Variants in NCL observed in about 807,000 individuals in gnomAD.
NCL encodes the protein nucleolin multifunctional protein.
NCL carries 4 observed loss-of-function variants against 77.7 expected under a neutral mutation model. That is an observed-to-expected ratio of 0.05 (90% CI 0.03 to 0.12). The LOEUF (loss-of-function observed/expected upper bound fraction) is 0.12. Among genes scored for constraint, NCL ranks in the 10% least tolerant of loss-of-function variants. The pLI, the probability that NCL is intolerant of heterozygous loss-of-function variation, is 1.00. For synonymous variants in NCL, 344 were observed against 297.8 expected (o/e 1.16, Z -1.60); for missense variants, 763 against 860.9 (o/e 0.89, Z 1.42).
intron 11 of NCL, 86 bp from the exon 12 acceptor site, chr2:231,456,222 A>G (rs2046886493): frequency 1.4e-5 from 22 of 1,531,652 alleles, no homozygotes; most frequent in Non-Finnish European, 2.0e-5. Context: ...ACTACTAGCC[A>G]AGAATACTTG....
chr2:231,458,438 T>C, intron 7 of NCL, 49 bp from the exon 8 acceptor site: 2 of 1,595,080 alleles, frequency 1.3e-6, no homozygotes, highest in Non-Finnish European at 8.5e-7. Flanking sequence ...AAACCAAAGG[T>C]GGGGGGCAAC....
At chr2:231,456,233 T>C (rs79523334) in intron 11 of NCL, 97 bp from the exon 12 acceptor site, 2 of 1,492,040 alleles carry the variant, frequency 1.3e-6, no homozygotes, top group African/African-American at 2.8e-5. Context: ...AGAATACTTG[T>C]TATAGTGAAA....
chr2:231,458,130 G>A, intron 8 of NCL, 136 bp downstream of exon 8: 1 of 1,172,512 alleles, frequency 8.5e-7, no homozygotes, highest in Non-Finnish European at 1.2e-6. Flanking sequence ...GTACAGATGG[G>A]TTACTGAGGC....
rs1352533351 is a variant in NCL at position 231,460,863 on chromosome 2, G to T, written c.617C>A (p.Ser206Tyr). The T allele has an allele frequency of 6.2e-7, 1 of 1,613,214 alleles. No individual in the cohort carries two copies. The highest frequency in any genetic ancestry group is 1.3e-5 in the African/African-American group (1 of 74,892). Residue 206 changes from serine to tyrosine, a missense_variant, in exon 4 of 14, where the codon TCT (serine) becomes TAT (tyrosine). This residue lies in a region of NCL where 590 missense variants were observed against 570.5 expected (regional missense o/e 1.03). Transcript: ENST00000322723. ...TGTAGTCTCCATAGCTTCTTCTTCA[G>T]AGTCTGAAAGAGAAGTCACCTAAAA... ...EDDDDDEEDD[S>Y]EEEAMETTPA...
At chr2:231,455,790 T>C (rs748992346) in intron 12 of NCL, 166 bp from the exon 13 acceptor site, 1 of 1,135,232 alleles carries the variant, frequency 8.8e-7, no homozygotes, top group South Asian at 1.2e-5. Flanking sequence ...GTGTGACAGC[T>C]TGAACCCCAG....
chr2:231,463,198 A>C lies in NCL; in HGVS notation c.135+2T>G. 6.4e-7 allele frequency: 1 copy of C among 1,561,336 alleles called. No homozygotes were observed. Among genetic ancestry groups the C allele is most frequent in the Non-Finnish European group, 8.7e-7 (1 of 1,144,678 alleles). ...ATTCTGCATTAAGTTGGATAAAATT[A>C]CCTCTTCTCCACTGCTATCATCTTC... On this transcript the variant is annotated splice_donor_variant, in intron 2 of 13. Transcript: ENST00000322723. LOFTEE classifies it high-confidence loss of function.
Position 231,454,009 on chromosome 2 carries a change from C to G in NCL, c.*1182G>C, listed in dbSNP as rs1304026648. Reference sequence around the variant, plus strand: ...TTTACTAAAAAGGGAGGTTGAGAGGCAAGTACTTAAGACCAGAAAGAATAA... The same window carrying G: ...TTTACTAAAAAGGGAGGTTGAGAGGGAAGTACTTAAGACCAGAAAGAATAA... On this transcript the variant is annotated 3_prime_UTR_variant, in exon 14 of 14. Coordinates refer to ENST00000322723, the MANE Select transcript of NCL (RefSeq NM_005381.3). The G allele has an allele frequency of 6.6e-6, 1 of 152,134 alleles. No homozygotes were observed. Among genetic ancestry groups the G allele is most frequent in the Non-Finnish European group, 1.5e-5 (1 of 68,038 alleles). The allele number at this position is 152,134 out of a possible 1,614,324, so 9.4% of individuals were successfully genotyped here.
intron 8 of NCL, 79 bp from the exon 9 acceptor site, chr2:231,457,879 G>C (rs1199824467): frequency 1.5e-6 from 2 of 1,312,850 alleles, no homozygotes; most frequent in Non-Finnish European, 2.0e-6. Flanking sequence ...CACAGAACTT[G>C]CTTCAGATCT....
At chr2:231,461,350 T>C (rs1391104137) in intron 3 of NCL, among the ~76,000 whole-genome samples, 190 bp downstream of exon 3, 1 of 151,804 alleles carries the variant, frequency 6.6e-6, no homozygotes, top group East Asian at 1.9e-4. Flanking sequence ...TAGAATGTGC[T>C]ATTGAAATTT....
At chr2:231,456,586 G>A (rs376480667) in intron 11 of NCL, 45 bp downstream of exon 11, 161 of 1,610,570 alleles carry the variant, frequency 1.0e-4, no homozygotes, top group Middle Eastern at 1.6e-4. Context: ...ACAAAGCACC[G>A]AGAGTGCTAC....
Position 231,455,432 on chromosome 2 carries a change from T to G in NCL, c.2025A>C (p.Gly675=), listed in dbSNP as rs1337719879. Reference sequence around the variant, plus strand: ...AGCCTCCCCGGCCTCTGCCACCAAATCCTCCTCGGCCTCCTCTACCACCAC... The same window carrying G: ...AGCCTCCCCGGCCTCTGCCACCAAAGCCTCCTCGGCCTCCTCTACCACCAC... ...GRGGGRGGRG[G]FGGRGRGGFG... Residue 675 remains glycine, a synonymous_variant, in exon 13 of 14, where the codon GGA becomes GGC. Coordinates refer to ENST00000322723, the MANE Select transcript of NCL (RefSeq NM_005381.3). The G allele has an allele frequency of 6.2e-7, 1 of 1,613,912 alleles. No individual in the cohort carries two copies. Among genetic ancestry groups the G allele is most frequent in the Non-Finnish European group, 8.5e-7 (1 of 1,179,950 alleles).
At position 231,461,635 on chromosome 2, in the gene NCL, G is replaced by A. The variant is rs1397023498; in HGVS notation, c.518C>T (p.Ala173Val). The change falls in exon 3 of 14, where the codon GCA (alanine) becomes GTA (valine). Residue 173 changes from alanine (A) to valine (V), a missense_variant. Ala to Val is a moderately conservative substitution (Grantham distance 64). Coordinates refer to ENST00000322723, the MANE Select transcript of NCL (RefSeq NM_005381.3). The stretch of plus-strand genomic sequence containing the variant: ...GGCAGCAGCTGCTGCTTTCATCGCT[G>A]CTGGTTCAATTTCATCTTCATCCTC... The part of the protein sequence containing the change: ...EDEDEDEIEP[A>V]AMKAAAAAPA... The A allele has an allele frequency of 6.2e-7, 1 of 1,608,104 alleles. No homozygotes were observed. The highest frequency in any genetic ancestry group is 1.1e-5 in the South Asian group (1 of 90,932).
intron 10 of NCL, 73 bp downstream of exon 10, chr2:231,456,928 C>T: frequency 6.3e-7 from 1 of 1,578,058 alleles, no homozygotes; most frequent in Non-Finnish European, 8.6e-7. Context: ...GACAGGATCA[C>T]ATGACCTTAC....
At chr2:231,456,938 C>T (rs1026876274) in intron 10 of NCL, 63 bp downstream of exon 10, 92 of 1,585,052 alleles carry the variant, frequency 5.8e-5, no homozygotes, top group East Asian at 3.4e-4. Flanking sequence ...CATGACCTTA[C>T]GTTCCTTTAG....
rs1186537318 is a variant in NCL at position 231,457,746 on chromosome 2, T to C, written c.1344A>G (p.Glu448=). Residue 448 remains glutamate, a synonymous_variant, in exon 9 of 14, where the codon GAA becomes GAG. Transcript: ENST00000322723. ...GCCCATCGATCTCTGTTCCCTGCTTTTCTTCAAAGGTTTTCTCTGCATCAG... is the reference window on the plus strand; with the variant it reads ...GCCCATCGATCTCTGTTCCCTGCTTCTCTTCAAAGGTTTTCTCTGCATCAG... ...TEADAEKTFE[E]KQGTEIDGRS... 6.2e-7 allele frequency: 1 copy of C among 1,613,218 alleles called. No homozygotes were observed. The highest frequency in any genetic ancestry group is 1.7e-4 in the Middle Eastern group (1 of 6,060).
At position 231,461,670 on chromosome 2, in the gene NCL, C is replaced by T; in HGVS notation, c.483G>A (p.Glu161=). 1 of 1,611,768 alleles carries T rather than the reference C, an allele frequency of 6.2e-7. No homozygotes were observed. Among genetic ancestry groups the T allele is most frequent in the Non-Finnish European group, 8.5e-7 (1 of 1,177,880 alleles). ...TTTCATCTTCATCCTCATCCTCGTC[C>T]TCGTCATCCTCCTCATCCTCCTCAC... ...DDSEEDEEDD[E]DEDEDEDEIE... is the part of the protein sequence containing the mutation. The change falls in exon 3 of 14, where the codon GAG becomes GAA. Residue 161 remains glutamate, a synonymous_variant. Transcript: ENST00000322723.
At chr2:231,460,321 ACTT>A (rs760991453) in intron 5 of NCL, 28 bp from the exon 6 acceptor site, 43 of 1,614,118 alleles carry the variant, frequency 2.7e-5, no homozygotes, top group Non-Finnish European at 3.6e-5. Context: ...AACTCAGTCT[ACTT>A]GTAGTGTGGT....
intron 1 of NCL, 69 bp downstream of exon 1, chr2:231,464,267 C>T: frequency 2.0e-6 from 3 of 1,537,000 alleles, no homozygotes; most frequent in Admixed American, 2.0e-5. Flanking sequence ...GGCCCTCCTC[C>T]CCGCGGCGCC....
intron 1 of NCL, chr2:231,464,132 G>A: frequency 4.4e-6 from 6 of 1,369,934 alleles, no homozygotes; most frequent in South Asian, 1.6e-5. Context: ...CGCGTTCGCC[G>A]CCCCCAGCAC....
Sources: gnomAD v4.1 joint callset for allele counts (sites outside exome capture counted in the v4.1 genomes callset) on GRCh38, gnomAD v4.1.1 for gene constraint, gnomAD v4.1.1 regional missense constraint, MANE v1.5 for transcripts, NCBI Gene and HGNC (gene_info 2026-07-23, HGNC 2026-07-21) for gene names.